The following NEUROD1 variants were observed in gnomAD, a reference collection of about 807,000 sequenced individuals.
NEUROD1 encodes neurogenic differentiation factor 1.
In NEUROD1, 9 loss-of-function variants were observed where a neutral mutation model predicts 21.8. The observed-to-expected ratio is 0.41, with a 90% CI of 0.25 to 0.72. The LOEUF is 0.72. Ranked by LOEUF, NEUROD1 falls within the 30% of genes least tolerant of loss-of-function variation. The probability of loss-of-function intolerance (pLI) is 0.31; values close to 1 mark genes in which losing one functional copy is unlikely to be tolerated. For missense variants in NEUROD1, 434 were observed against 468.8 expected (o/e 0.93, Z 0.69); for synonymous variants, 199 against 186.2 (o/e 1.07, Z -0.56).
At chr2:181,670,720 TCC>T (rs1688485612) in exon 2 of NEUROD1, among the ~76,000 whole-genome samples, 2 of 152,010 alleles carry the variant, frequency 1.3e-5, no homozygotes, top group Non-Finnish European at 2.9e-5. Flanking sequence ...GGGCCCCAAA[TCC>T]TTGGGGCCCC....
chr2:181,670,796 CTG>C (rs1211300995), exon 2 of NEUROD1, among the ~76,000 whole-genome samples: 1 of 152,060 alleles, frequency 6.6e-6, no homozygotes, highest in Admixed American at 6.6e-5. Flanking sequence ...TTCCTGTATG[CTG>C]TGTGTCTGTG....
Position 181,677,702 on chromosome 2 carries a change from A to C in NEUROD1, c.*88T>G. On this transcript the variant is annotated 3_prime_UTR_variant, in exon 2 of 2. Transcript: ENST00000295108. The stretch of plus-strand genomic sequence containing the variant: ...TGGAGTATTTGCACTTTGCAGCAGT[A>C]GTACCCAAAGGGCTGCCTTTTGTAA... The C allele has an allele frequency of 6.2e-7, 1 of 1,608,696 alleles. No individual in the cohort carries two copies. Among genetic ancestry groups the C allele is most frequent in the Non-Finnish European group, 8.5e-7 (1 of 1,179,636 alleles).
chr2:181,672,961 T>C (rs1688517957), downstream of NEUROD1: 1 of 152,230 alleles, frequency 6.6e-6, no homozygotes, highest in African/African-American at 2.4e-5. Context: ...TTGAACTTAC[T>C]CTATCTCTCC....
rs2105596087 is a variant in NEUROD1, at chr2:181,678,865, C to T, written c.-5G>A. The T allele has an allele frequency of 6.2e-7, 1 of 1,613,450 alleles. No homozygotes were observed. The highest frequency in any genetic ancestry group is 1.1e-5 in the South Asian group (1 of 90,980). ...CTCGCTGTACGATTTGGTCATGTTTCGATTTCCTACATTCAACAAGGGAGA... is the reference window on the plus strand; with the variant it reads ...CTCGCTGTACGATTTGGTCATGTTTTGATTTCCTACATTCAACAAGGGAGA... On this transcript the variant is annotated 5_prime_UTR_variant, in exon 2 of 2. Coordinates refer to ENST00000295108, the MANE Select transcript of NEUROD1 (RefSeq NM_002500.5). The surrounding 1 kb of genome is among the most constrained non-coding windows in gnomAD (Gnocchi z 5.5).
At chr2:181,670,038 G>T (rs962820259), downstream of NEUROD1, among the ~76,000 whole-genome samples, 1 of 152,162 alleles carries the variant, frequency 6.6e-6, no homozygotes, top group Non-Finnish European at 1.5e-5. Flanking sequence ...TTAAAATTAT[G>T]TACTTTAAAA....
downstream of NEUROD1, among the ~76,000 whole-genome samples, chr2:181,670,201 A>AT (rs1343012642): frequency 2.0e-5 from 3 of 152,184 alleles, no homozygotes; most frequent in African/African-American, 7.2e-5. Context: ...ATATTTGATA[A>AT]TTTTTTGTGA....
downstream of NEUROD1, among the ~76,000 whole-genome samples, chr2:181,675,820 T>C (rs553298845): frequency 3.1e-4 from 47 of 152,276 alleles, no homozygotes; most frequent in African/African-American, 1.0e-3. Flanking sequence ...AAATAATCCA[T>C]TATGCTTTTT....
chr2:181,680,174 T>C (rs1688670418), intron 1 of NEUROD1, among the ~76,000 whole-genome samples: 1 of 152,176 alleles, frequency 6.6e-6, no homozygotes, highest in African/African-American at 2.4e-5. Context: ...GTGCATTCTT[T>C]TAAAAAATCC....
rs1688620514 is a variant in NEUROD1 at position 181,678,121 on chromosome 2, T to G, written c.740A>C (p.His247Pro). Residue 247 changes from histidine (H) to proline (P), a missense_variant, in exon 2 of 2, where the codon CAC becomes CCC. His to Pro is a moderately conservative substitution (Grantham distance 77). Transcript: ENST00000295108. The surrounding 1 kb of genome is among the most constrained non-coding windows in gnomAD (Gnocchi z 5.5). ...GGGCTCCAGCGCTGCGCTGTAGGCGTGCGGCGGAGGCTTAACGTGGAAGAC... is the reference window on the plus strand; with the variant it reads ...GGGCTCCAGCGCTGCGCTGTAGGCGGGCGGCGGAGGCTTAACGTGGAAGAC... ...SHVFHVKPPP[H>P]AYSAALEPFF... is the part of the protein sequence containing the mutation. The G allele has an allele frequency of 1.2e-6, 2 of 1,613,982 alleles. No homozygotes were observed. The highest frequency in any genetic ancestry group is 1.7e-6 in the Non-Finnish European group (2 of 1,180,030).
At chr2:181,673,031 T>C (rs1200956580), downstream of NEUROD1, 1 of 152,238 alleles carries the variant, frequency 6.6e-6, no homozygotes, top group Non-Finnish European at 1.5e-5. Flanking sequence ...ATGGTTATTG[T>C]CACCATCCAT....
downstream of NEUROD1, among the ~76,000 whole-genome samples, chr2:181,674,978 T>C (rs945962500): frequency 1.3e-5 from 2 of 152,216 alleles, no homozygotes; most frequent in African/African-American, 4.8e-5. Flanking sequence ...CTAATTTTAA[T>C]TGCAGGTGAA....
At chr2:181,672,603 G>A (rs1024715832), downstream of NEUROD1, among the ~76,000 whole-genome samples, 4 of 152,174 alleles carry the variant, frequency 2.6e-5, no homozygotes, top group African/African-American at 9.7e-5. Context: ...AAGAGGGAGG[G>A]GCAATACAGT....
chr2:181,669,858 A>G (rs1331173172), downstream of NEUROD1, among the ~76,000 whole-genome samples: 3 of 152,234 alleles, frequency 2.0e-5, no homozygotes, highest in Non-Finnish European at 2.9e-5. Context: ...TTGTATTTAG[A>G]GCAATCAAAA....
chr2:181,677,702 A>G lies in NEUROD1; in HGVS notation c.*88T>C, dbSNP rs1386672315. ...TGGAGTATTTGCACTTTGCAGCAGT[A>G]GTACCCAAAGGGCTGCCTTTTGTAA... On this transcript the variant is annotated 3_prime_UTR_variant, in exon 2 of 2. Coordinates refer to ENST00000295108, the MANE Select transcript of NEUROD1 (RefSeq NM_002500.5). 1 of 1,608,578 alleles carries G rather than the reference A, an allele frequency of 6.2e-7. No individual in the cohort carries two copies. Among genetic ancestry groups the G allele is most frequent in the Non-Finnish European group, 8.5e-7 (1 of 1,179,644 alleles).
chr2:181,678,633 A>T lies in NEUROD1; in HGVS notation c.228T>A (p.Asp76Glu). ...LEEEEEEEEEDDDQKPKRRGP... is the reference protein window; with the variant it reads ...LEEEEEEEEEEDDQKPKRRGP... ...CGCGTCTCTTGGGCTTTTGATCGTC[A>T]TCCTCCTCTTCCTCTTCTTCCTCCT... Residue 76 changes from aspartate to glutamate, a missense_variant, in exon 2 of 2, where the codon GAT becomes GAA. Asp to Glu is a conservative substitution (Grantham distance 45). Coordinates refer to ENST00000295108, the MANE Select transcript of NEUROD1 (RefSeq NM_002500.5). This position sits in a 1 kb window ranked among gnomAD's most constrained non-coding sequence, Gnocchi z 5.5. The T allele has an allele frequency of 6.2e-7, 1 of 1,613,836 alleles. No individual in the cohort carries two copies. Among genetic ancestry groups the T allele is most frequent in the Non-Finnish European group, 8.5e-7 (1 of 1,179,908 alleles).
Position 181,678,366 on chromosome 2 carries a change from C to T in NEUROD1, c.495G>A (p.Leu165=). The change falls in exon 2 of 2, where the codon CTG becomes CTA. Residue 165 remains leucine (L), a synonymous_variant. Coordinates refer to ENST00000295108, the MANE Select transcript of NEUROD1 (RefSeq NM_002500.5). This position sits in a 1 kb window ranked among gnomAD's most constrained non-coding sequence, Gnocchi z 5.5. Reference sequence around the variant, plus strand: ...TGCAAAGCGTCTGAACGAAGGAGACCAGGTCTGGGCTTTTGCCTGAGCGCA... The same window carrying T: ...TGCAAAGCGTCTGAACGAAGGAGACTAGGTCTGGGCTTTTGCCTGAGCGCA... ...EILRSGKSPD[L]VSFVQTLCKG... 6.2e-7 allele frequency: 1 copy of T among 1,614,172 alleles called. No individual in the cohort carries two copies. The highest frequency in any genetic ancestry group is 8.5e-7 in the Non-Finnish European group (1 of 1,180,032).
chr2:181,678,710 C>G lies in NEUROD1; in HGVS notation c.151G>C (p.Asp51His). The change falls in exon 2 of 2, where the codon GAC (aspartate) becomes CAC (histidine). Residue 51 changes from aspartate (D) to histidine (H), a missense_variant. Transcript: ENST00000295108. This position sits in a 1 kb window ranked among gnomAD's most constrained non-coding sequence, Gnocchi z 5.5. ...DDLETMNAEE[D>H]SLRNGGEEED... ...TCCTCTCCCCCGTTCCTCAGTGAGT[C>G]CTCCTCTGCGTTCATGGTTTCGAGG... 6.2e-7 allele frequency: 1 copy of G among 1,612,122 alleles called. No individual in the cohort carries two copies. Among genetic ancestry groups the G allele is most frequent in the Non-Finnish European group, 8.5e-7 (1 of 1,178,900 alleles).
rs747715154 is a variant in NEUROD1, at chr2:181,677,999, C to G, written c.862G>C (p.Glu288Gln). The G allele has an allele frequency of 1.6e-5, 26 of 1,614,076 alleles. No homozygotes were observed. The highest frequency in any genetic ancestry group is 2.1e-5 in the Non-Finnish European group (25 of 1,180,026). ...SINGNFSFKHEPSAEFEKNYA... is the reference protein window; with the variant it reads ...SINGNFSFKHQPSAEFEKNYA... ...TTTTTCTCAAACTCGGCGGACGGTTCGTGTTTGAAAGAGAAGTTGCCATTG... is the reference window on the plus strand; with the variant it reads ...TTTTTCTCAAACTCGGCGGACGGTTGGTGTTTGAAAGAGAAGTTGCCATTG... Residue 288 changes from glutamate to glutamine, a missense_variant, in exon 2 of 2, where the codon GAA (glutamate) becomes CAA (glutamine). By Grantham distance (29) the Glu-to-Gln change is conservative. Transcript: ENST00000295108.
chr2:181,672,608 T>C (rs1256521287), downstream of NEUROD1, among the ~76,000 whole-genome samples: 1 of 152,188 alleles, frequency 6.6e-6, no homozygotes, highest in African/African-American at 2.4e-5. Flanking sequence ...GGAGGGGCAA[T>C]ACAGTGATTT....
Sources: allele counts gnomAD v4.1 joint callset (sites outside exome capture counted in the v4.1 genomes callset), GRCh38; gene constraint gnomAD v4.1.1; non-coding constraint Gnocchi (gnomAD v3.1); transcripts MANE v1.5; gene names NCBI Gene and HGNC (gene_info 2026-07-23, HGNC 2026-07-21).